SLC6A6: variants seen among roughly 807,000 people sequenced by gnomAD.
SLC6A6 encodes solute carrier family 6 member 6.
SLC6A6 carries 16 observed loss-of-function variants against 68.8 expected under a neutral mutation model. The ratio of observed to expected loss-of-function variants is 0.23; its 90% CI spans 0.16 to 0.35. The LOEUF (loss-of-function observed/expected upper bound fraction) is 0.35. Ranked by LOEUF, SLC6A6 falls within the 10% of genes least tolerant of loss-of-function variation. SLC6A6 has a pLI of 1.00. For synonymous variants in SLC6A6, 312 were observed against 315.4 expected, an observed-to-expected ratio of 0.99 and a Z score of 0.12; for missense variants, 474 against 802.8, an observed-to-expected ratio of 0.59 and a Z score of 4.95.
intron 5 of SLC6A6, among the ~76,000 whole-genome samples, chr3:14,453,999 G>C (rs1529941): frequency 0.99 from 151,402 of 152,302 alleles, 75,254 homozygotes; most frequent in East Asian, 1. Flanking sequence ...GCCCGCACCC[G>C]CAGCCTGCCC....
chr3:14,479,702 C>T (rs1451452180), intron 13 of SLC6A6, among the ~76,000 whole-genome samples: 3 of 152,164 alleles, frequency 2.0e-5, no homozygotes, highest in Admixed American at 2.0e-4. Flanking sequence ...GCTTTGGACT[C>T]ACCCAGGCCC....
chr3:14,425,063 C>T (rs1037596657), intron 2 of SLC6A6, among the ~76,000 whole-genome samples: 5 of 152,134 alleles, frequency 3.3e-5, no homozygotes, highest in Admixed American at 2.0e-4. Context: ...GTTGGTTGAA[C>T]GAAGGCACGC....
intron 6 of SLC6A6, among the ~76,000 whole-genome samples, chr3:14,461,632 C>T (rs1225245582): frequency 6.6e-6 from 1 of 152,226 alleles, no homozygotes; most frequent in African/African-American, 2.4e-5. Context: ...CTCTTTTTGC[C>T]TGGTTAAAAA....
intron 3 of SLC6A6, 110 bp downstream of exon 3, chr3:14,443,973 C>A (rs763569966): frequency 1.4e-5 from 10 of 730,068 alleles, no homozygotes; most frequent in East Asian, 8.1e-5. Flanking sequence ...TCCCTGGCCC[C>A]CCCCCTTGAC....
At chr3:14,437,694 C>T (rs1475753813) in intron 2 of SLC6A6, among the ~76,000 whole-genome samples, 2 of 152,072 alleles carry the variant, frequency 1.3e-5, no homozygotes, top group African/African-American at 2.4e-5. Context: ...GACACCATGA[C>T]ATACATAATA....
intron 6 of SLC6A6, among the ~76,000 whole-genome samples, chr3:14,465,028 A>C (rs1700583753): frequency 6.6e-6 from 1 of 152,054 alleles, no homozygotes; most frequent in Non-Finnish European, 1.5e-5. Context: ...CAGTTTCTCC[A>C]CTGTAAACCA....
chr3:14,449,139 G>A (rs1700198062), intron 5 of SLC6A6, among the ~76,000 whole-genome samples: 1 of 152,240 alleles, frequency 6.6e-6, no homozygotes, highest in Admixed American at 6.5e-5. Context: ...CCATGCTTTG[G>A]GGTCAGGGCT....
Position 14,472,837 on chromosome 3 carries a change from G to C in SLC6A6, c.1209+520G>C, listed in dbSNP as rs1276026542. On this transcript the variant is annotated intron_variant, in intron 10 of 14. Coordinates refer to ENST00000622186, the MANE Select transcript of SLC6A6 (RefSeq NM_003043.6). This position sits in a 1 kb window ranked among gnomAD's most constrained non-coding sequence, Gnocchi z 4.5. ...CAGGAGAAGCCTACGCCACACTCAG[G>C]ATTCTGTGCTCCCTGGAGCGTGCGA... is the stretch of plus-strand genomic sequence containing the variant. 6.6e-6 allele frequency among the ~76,000 whole-genome samples: 1 copy of C among 152,236 alleles called. No individual in the cohort carries two copies. The highest frequency in any genetic ancestry group is 1.5e-5 in the Non-Finnish European group (1 of 68,036).
intron 2 of SLC6A6, 116 bp downstream of exon 2, chr3:14,416,569 C>A (rs1708555747): frequency 7.6e-6 from 3 of 396,436 alleles, no homozygotes; most frequent in Non-Finnish European, 1.3e-5. Context: ...CAAGACGGGA[C>A]CCCTGAGGCC....
chr3:14,432,216 A>C (rs1280820539), intron 2 of SLC6A6, among the ~76,000 whole-genome samples: 1 of 152,338 alleles, frequency 6.6e-6, no homozygotes, highest in South Asian at 2.1e-4. Flanking sequence ...TAAAAGGAGA[A>C]GGTCAAGGAA....
chr3:14,474,016 C>T (rs768404556), intron 10 of SLC6A6, among the ~76,000 whole-genome samples: 20 of 152,268 alleles, frequency 1.3e-4, no homozygotes, highest in South Asian at 8.3e-4. Context: ...CAGTGGCACA[C>T]GGAGAGAATC....
At chr3:14,476,705 A>C (rs904873523) in intron 10 of SLC6A6, among the ~76,000 whole-genome samples, 1 of 152,234 alleles carries the variant, frequency 6.6e-6, no homozygotes, top group Non-Finnish European at 1.5e-5. Flanking sequence ...TTTTCTGAGC[A>C]GCCAATGTGT....
chr3:14,442,113 A>G (rs1290194426), intron 2 of SLC6A6, among the ~76,000 whole-genome samples: 3 of 152,216 alleles, frequency 2.0e-5, no homozygotes, highest in East Asian at 3.9e-4. Context: ...TGGTCGTGTG[A>G]CAAGGGTCAC....
Position 14,453,890 on chromosome 3 carries a change from G to A in SLC6A6, c.600-4060G>A, listed in dbSNP as rs57169361. On this transcript the variant is annotated intron_variant, in intron 5 of 14. Transcript: ENST00000622186. ...AGGTCCAAGGCCTTAAGGCAGGATC[G>A]CGTTCGACCTGTTCAGGGAATGGCC... Among the ~76,000 whole-genome samples, 1,468 of 152,276 alleles carry A rather than the reference G, an allele frequency of 9.6e-3. 22 individuals carry two copies. The highest frequency in any genetic ancestry group is 0.033 in the African/African-American group (1,359 of 41,548).
At chr3:14,430,471 C>G (rs1699699432) in intron 2 of SLC6A6, among the ~76,000 whole-genome samples, 1 of 152,170 alleles carries the variant, frequency 6.6e-6, no homozygotes, top group Admixed American at 6.5e-5. Context: ...ATGGCTACCA[C>G]TGGGGGTTGC....
intron 1 of SLC6A6, among the ~76,000 whole-genome samples, chr3:14,414,067 A>C (rs1183451258): frequency 1.3e-5 from 2 of 152,226 alleles, no homozygotes; most frequent in Non-Finnish European, 2.9e-5. Context: ...GCCTGGGGCC[A>C]TACTTCAGCC....
intron 9 of SLC6A6, among the ~76,000 whole-genome samples, chr3:14,469,684 G>A (rs138089395): frequency 5.3e-5 from 8 of 152,244 alleles, no homozygotes; most frequent in Non-Finnish European, 1.0e-4. Flanking sequence ...CTGGACACAT[G>A]CAACAACCTC....
chr3:14,405,616 G>A (rs1021417166), intron 1 of SLC6A6, among the ~76,000 whole-genome samples: 1 of 152,234 alleles, frequency 6.6e-6, no homozygotes, highest in Non-Finnish European at 1.5e-5. Flanking sequence ...ATGAGCAAGA[G>A]TCAGATTCTT....
Position 14,485,180 on chromosome 3 carries a change from CGT to C in SLC6A6, c.*184_*185del, listed in dbSNP as rs1350425426. The C allele has an allele frequency of 1.2e-4, 38 of 321,864 alleles. No individual in the cohort carries two copies. The highest frequency in any genetic ancestry group is 7.6e-4 in the Middle Eastern group (1 of 1,312). 19.9% of individuals were successfully genotyped at this position (321,864 alleles called of 1,614,324 possible). ...CGTGCGTGTGTGTGTGTGTGTGTATCGTGTGTGTGTGTTTTGTTTTGATTTGG... is the reference window on the plus strand; with the variant it reads ...CGTGCGTGTGTGTGTGTGTGTGTATCGTGTGTGTGTTTTGTTTTGATTTGG... On this transcript the variant is annotated 3_prime_UTR_variant, in exon 15 of 15. Coordinates refer to ENST00000622186, the MANE Select transcript of SLC6A6 (RefSeq NM_003043.6).
Sources: gnomAD v4.1 joint callset for allele counts (sites outside exome capture counted in the v4.1 genomes callset) on GRCh38, gnomAD v4.1.1 for gene constraint, Gnocchi (gnomAD v3.1) non-coding constraint, MANE v1.5 for transcripts, NCBI Gene and HGNC (gene_info 2026-07-23, HGNC 2026-07-21) for gene names.